Variants in OSBPL9 observed in about 807,000 individuals in gnomAD.
OSBPL9 encodes oxysterol-binding protein-related protein 9.
A neutral mutation model predicts 106.6 loss-of-function variants in OSBPL9; 40 were observed. That is an observed-to-expected ratio of 0.38 (90% confidence interval 0.29 to 0.49). OSBPL9 has a LOEUF of 0.49. OSBPL9 is among the 20% of genes least tolerant of loss of function. OSBPL9 has a pLI of 0.97. For missense variants in OSBPL9, 609 were observed against 887.2 expected (o/e 0.69, Z 3.98); for synonymous variants, 269 against 295.4 (o/e 0.91, Z 0.92).
chr1:51,732,065 G>A (rs988448703), intron 4 of OSBPL9, among the ~76,000 whole-genome samples: 3 of 152,064 alleles, frequency 2.0e-5, no homozygotes, highest in African/African-American at 7.2e-5. Context: ...TATTTTGTAC[G>A]CTCAGCCATC....
chr1:51,715,609 A>G (rs1329359983), intron 4 of OSBPL9, among the ~76,000 whole-genome samples: 1 of 152,108 alleles, frequency 6.6e-6, no homozygotes, highest in African/African-American at 2.4e-5. Flanking sequence ...TTTAGTGATC[A>G]TATTAGACTG....
intron 2 of OSBPL9, among the ~76,000 whole-genome samples, chr1:51,667,697 T>G (rs984112158): frequency 3.3e-5 from 5 of 152,230 alleles, no homozygotes; most frequent in African/African-American, 1.2e-4. Context: ...GTTAGAAGGT[T>G]AACTCAGTTA....
rs538441211 is a variant in OSBPL9, at chr1:51,687,278, C to T, written c.241+17766C>T. Among the ~76,000 whole-genome samples, 4 of 152,292 alleles carry T rather than the reference C, an allele frequency of 2.6e-5. No homozygotes were observed. In the East Asian group the frequency reaches 7.7e-4, roughly 29 times the overall value. On this transcript the variant is annotated intron_variant, in intron 3 of 23. Coordinates refer to ENST00000428468, the MANE Select transcript of OSBPL9 (RefSeq NM_024586.6). ...TAGGAGGAATGACTGATGAGCATAG[C>T]AGCTGGTACAGCAGGAACTGTACCA... is the stretch of plus-strand genomic sequence containing the variant.
At chr1:51,750,109 A>C in intron 7 of OSBPL9, 36 bp from the exon 8 acceptor site, 1 of 1,493,804 alleles carries the variant, frequency 6.7e-7, no homozygotes, top group Non-Finnish European at 9.2e-7. Flanking sequence ...CATTTATTTG[A>C]GCCAAGATCC....
intron 1 of OSBPL9, among the ~76,000 whole-genome samples, chr1:51,648,196 C>T (rs1367544435): frequency 6.6e-6 from 1 of 152,164 alleles, no homozygotes; most frequent in Non-Finnish European, 1.5e-5. Context: ...ATGTCAGCTA[C>T]CTTTCTTTCA....
rs958228009 is a variant in OSBPL9, at chr1:51,788,916, A to AGTT, written c.*1128_*1130dup. On this transcript the variant is annotated 3_prime_UTR_variant, in exon 24 of 24. Coordinates refer to ENST00000428468, the MANE Select transcript of OSBPL9 (RefSeq NM_024586.6). ...AGGTATTAGTACCTAGCATTTAGTT[A>AGTT]GTTATTCAATATACTGGTTACGTAA... Among the ~76,000 whole-genome samples, 14 of 152,116 alleles carry AGTT rather than the reference A, an allele frequency of 9.2e-5. No individual in the cohort carries two copies. Among genetic ancestry groups the AGTT allele is most frequent in the African/African-American group, 1.4e-4 (6 of 41,392 alleles).
the OSBPL9 span, among the ~76,000 whole-genome samples, chr1:51,537,832 C>A: frequency 6.6e-6 from 1 of 152,136 alleles, no homozygotes; most frequent in Non-Finnish European, 1.5e-5. Flanking sequence ...TGAGCCACTG[C>A]ACCCAGCTCT....
At chr1:51,708,072 A>G (rs1009409852) in intron 3 of OSBPL9, 5 of 222,564 alleles carry the variant, frequency 2.2e-5, no homozygotes, top group Non-Finnish European at 4.7e-5. Flanking sequence ...CTGCTTTGCC[A>G]GAGTTAAAAG....
intron 8 of OSBPL9, among the ~76,000 whole-genome samples, chr1:51,756,093 A>G (rs1375676755): frequency 1.3e-5 from 2 of 152,228 alleles, no homozygotes; most frequent in African/African-American, 2.4e-5. Flanking sequence ...TTAAATCCCT[A>G]TATAGAAAAA....
chr1:51,712,584 T>C (rs1330834199), intron 3 of OSBPL9, among the ~76,000 whole-genome samples: 1 of 152,252 alleles, frequency 6.6e-6, no homozygotes, highest in Non-Finnish European at 1.5e-5. Context: ...ATTTTGATTA[T>C]TTGTCACTTT....
At position 51,669,203 on chromosome 1, in the gene OSBPL9, A is replaced by G. The variant is rs566104111; in HGVS notation, c.163-231A>G. Among the ~76,000 whole-genome samples the G allele has an allele frequency of 2.8e-4, 43 of 152,300 alleles. 1 individual carries two copies. Among genetic ancestry groups the G allele is most frequent in the Admixed American group, 3.9e-4 (6 of 15,302 alleles). On this transcript the variant is annotated intron_variant, in intron 2 of 23. Coordinates refer to ENST00000428468, the MANE Select transcript of OSBPL9 (RefSeq NM_024586.6). ...GTCCCTTCCGCCTCCCAGCACATCT[A>G]TGCCCTTAAGGAAGGCATAGAATGT...
intron 2 of OSBPL9, among the ~76,000 whole-genome samples, chr1:51,599,015 G>A (rs1398468277): frequency 6.6e-6 from 1 of 151,084 alleles, no homozygotes; most frequent in Non-Finnish European, 1.5e-5. Context: ...AAAAAAGTGT[G>A]ACATGATGAA....
At chr1:51,616,027 T>C (rs77929513), upstream of OSBPL9, among the ~76,000 whole-genome samples, 2 of 147,362 alleles carry the variant, frequency 1.4e-5, no homozygotes, top group Non-Finnish European at 3.0e-5. Flanking sequence ...TTTTTTTTTT[T>C]TGTGTGAGAG....
chr1:51,764,151 A>G (rs1363754614), intron 11 of OSBPL9, among the ~76,000 whole-genome samples: 1 of 152,212 alleles, frequency 6.6e-6, no homozygotes, highest in Non-Finnish European at 1.5e-5. Context: ...AATACAAAAA[A>G]GAAATAAAGG....
At chr1:51,630,294 G>A (rs1645029947) in intron 1 of OSBPL9, among the ~76,000 whole-genome samples, 1 of 152,020 alleles carries the variant, frequency 6.6e-6, no homozygotes, top group Non-Finnish European at 1.5e-5. Context: ...GCTGGGTCAG[G>A]GAGAAACAAG....
chr1:51,534,771 A>G, the OSBPL9 span, among the ~76,000 whole-genome samples: 3 of 152,232 alleles, frequency 2.0e-5, no homozygotes, highest in African/African-American at 4.8e-5. Context: ...GGCTAGCCAG[A>G]TAAGTATTGA....
At chr1:51,746,264 T>C (rs1049504924) in intron 5 of OSBPL9, among the ~76,000 whole-genome samples, 3 of 152,186 alleles carry the variant, frequency 2.0e-5, no homozygotes, top group African/African-American at 4.8e-5. Context: ...TTCTAACACT[T>C]TTTTAATTTG....
intron 3 of OSBPL9, among the ~76,000 whole-genome samples, chr1:51,696,630 T>A (rs1173255264): frequency 2.0e-5 from 3 of 152,194 alleles, no homozygotes; most frequent in African/African-American, 7.2e-5. Context: ...GATTTTGCTC[T>A]ACTATAACTT....
intron 8 of OSBPL9, 70 bp from the exon 9 acceptor site, chr1:51,756,250 G>A: frequency 1.5e-6 from 2 of 1,321,428 alleles, no homozygotes; most frequent in Non-Finnish European, 2.2e-6. Context: ...AAGCTTTCTT[G>A]TAGGAGAAAT....
Sources: allele counts gnomAD v4.1 joint callset (sites outside exome capture counted in the v4.1 genomes callset), GRCh38; gene constraint gnomAD v4.1.1; transcripts MANE v1.5; gene names NCBI Gene and HGNC (gene_info 2026-07-23, HGNC 2026-07-21).